The following TRPM7 variants were observed in gnomAD, a reference collection of about 807,000 sequenced individuals.
TRPM7 encodes LTRPC ion channel family member 7.
A neutral mutation model predicts 229.7 loss-of-function variants in TRPM7; 134 were observed. The ratio of observed to expected loss-of-function variants is 0.58; its 90% CI spans 0.51 to 0.67. The LOEUF (loss-of-function observed/expected upper bound fraction) is 0.67. Ranked by LOEUF, TRPM7 falls within the 30% of genes least tolerant of loss-of-function variation. The pLI, the probability that TRPM7 is intolerant of heterozygous loss-of-function variation, is 0.00. For missense variants in TRPM7, 1,901 were observed against 2,210.0 expected, an observed-to-expected ratio of 0.86 and a Z score of 2.80; for synonymous variants, 699 against 715.2, an observed-to-expected ratio of 0.98 and a Z score of 0.36.
At chr15:50,599,851 T>C (rs1441845931) in intron 21 of TRPM7, among the ~76,000 whole-genome samples, 1 of 152,168 alleles carries the variant, frequency 6.6e-6, no homozygotes, top group Non-Finnish European at 1.5e-5. Context: ...AGCATGGGTG[T>C]TGAAAAACTA....
At chr15:50,584,126 G>T (rs1011675842) in intron 28 of TRPM7, among the ~76,000 whole-genome samples, 10 of 152,018 alleles carry the variant, frequency 6.6e-5, no homozygotes, top group Admixed American at 1.3e-4. Flanking sequence ...TCCAAAAAAA[G>T]TCAGGTCATT....
At chr15:50,628,738 C>T (rs555709187) in intron 10 of TRPM7, among the ~76,000 whole-genome samples, 5 of 152,098 alleles carry the variant, frequency 3.3e-5, no homozygotes, top group South Asian at 4.1e-4. Flanking sequence ...CAGCTATAAA[C>T]GACATATTCC....
At chr15:50,567,614 T>C (rs766724398) in intron 38 of TRPM7, among the ~76,000 whole-genome samples, 2 of 151,968 alleles carry the variant, frequency 1.3e-5, no homozygotes, top group African/African-American at 2.4e-5. Context: ...AAAAAAGATA[T>C]GTATCACAAC....
At chr15:50,562,307 T>G (rs772944645) in intron 38 of TRPM7, among the ~76,000 whole-genome samples, 4 of 152,178 alleles carry the variant, frequency 2.6e-5, no homozygotes, top group Admixed American at 6.5e-5. Context: ...ATGAAGTCAT[T>G]CATTCATTCA....
At chr15:50,659,008 C>T (rs1488117847) in intron 2 of TRPM7, among the ~76,000 whole-genome samples, 4 of 152,030 alleles carry the variant, frequency 2.6e-5, no homozygotes, top group Non-Finnish European at 5.9e-5. Flanking sequence ...ACCATCCTGG[C>T]TAACGCAGTG....
At chr15:50,579,287 C>T (rs1427483565) in intron 30 of TRPM7, among the ~76,000 whole-genome samples, 2 of 152,182 alleles carry the variant, frequency 1.3e-5, no homozygotes, top group African/African-American at 2.4e-5. Context: ...TTAGCACTTT[C>T]ATTACACAGC....
At chr15:50,575,270 A>T (rs992694868) in intron 33 of TRPM7, 135 bp from the exon 34 acceptor site, 3 of 642,270 alleles carry the variant, frequency 4.7e-6, no homozygotes, top group Non-Finnish European at 7.5e-6. Flanking sequence ...TATACAAAGA[A>T]ATTTAATAGC....
At chr15:50,579,318 T>C (rs1596084174) in intron 30 of TRPM7, among the ~76,000 whole-genome samples, 1 of 152,182 alleles carries the variant, frequency 6.6e-6, no homozygotes, top group African/African-American at 2.4e-5. Context: ...TGCTCAGGAA[T>C]GAAAGGACCA....
rs1231112755 is a variant in TRPM7 at position 50,560,913 on chromosome 15, T to A, written c.*765A>T. On this transcript the variant is annotated 3_prime_UTR_variant, in exon 39 of 39. Coordinates refer to ENST00000646667, the MANE Select transcript of TRPM7 (RefSeq NM_017672.6). ...AACTTCCCTTGACGAGTGAGTTAGG[T>A]TTCTGCTTTTATAATTTAGGTTATG... The A allele has an allele frequency of 6.6e-6, 1 of 152,604 alleles. No individual in the cohort carries two copies. Among genetic ancestry groups the A allele is most frequent in the African/African-American group, 2.4e-5 (1 of 41,450 alleles). 9.5% of individuals were successfully genotyped at this position (152,604 alleles called of 1,614,324 possible). A position where few individuals can be genotyped will look rare whatever the true frequency, so the allele number is the denominator to read the frequency against.
chr15:50,599,047 A>G (rs1477317789), intron 22 of TRPM7, 75 bp downstream of exon 22: 20 of 1,143,576 alleles, frequency 1.7e-5, no homozygotes, highest in Non-Finnish European at 2.5e-5. Flanking sequence ...AAAATATGCA[A>G]TATTACTATA....
intron 10 of TRPM7, 63 bp from the exon 11 acceptor site, chr15:50,628,312 C>A: frequency 4.2e-6 from 4 of 946,538 alleles, no homozygotes; most frequent in Admixed American, 2.3e-5. Flanking sequence ...AAGGTGAACA[C>A]TTTTTTTTTT....
intron 29 of TRPM7, 126 bp from the exon 30 acceptor site, chr15:50,581,034 C>A (rs2054381097): frequency 6.7e-6 from 5 of 746,620 alleles, no homozygotes; most frequent in South Asian, 4.6e-5. Flanking sequence ...ACATACAGTT[C>A]TTGTTTCATA....
intron 2 of TRPM7, among the ~76,000 whole-genome samples, chr15:50,661,133 C>A (rs564032983): frequency 6.6e-6 from 1 of 152,016 alleles, no homozygotes; most frequent in Admixed American, 6.6e-5. Context: ...CCCACTACCA[C>A]GTCTGGCTAA....
At chr15:50,572,163 T>C (rs989341706) in intron 36 of TRPM7, among the ~76,000 whole-genome samples, 11 of 152,180 alleles carry the variant, frequency 7.2e-5, no homozygotes, top group African/African-American at 1.7e-4. Flanking sequence ...CGTGAGCCTG[T>C]AGTCCCAGCT....
At chr15:50,664,752 T>C (rs1318901334) in intron 1 of TRPM7, among the ~76,000 whole-genome samples, 2 of 152,038 alleles carry the variant, frequency 1.3e-5, no homozygotes, top group Admixed American at 6.6e-5. Flanking sequence ...CTTGAGTCTG[T>C]GAGTTCAAGA....
intron 31 of TRPM7, among the ~76,000 whole-genome samples, chr15:50,576,488 T>C (rs2054141882): frequency 6.6e-6 from 1 of 152,208 alleles, no homozygotes. Context: ...TTTAATACTG[T>C]ATAAAAATAT....
At chr15:50,606,658 C>T (rs1472166811) in intron 20 of TRPM7, among the ~76,000 whole-genome samples, 3 of 152,018 alleles carry the variant, frequency 2.0e-5, no homozygotes, top group Non-Finnish European at 4.4e-5. Flanking sequence ...GCCACCATGC[C>T]TAGCTAATTT....
chr15:50,640,115 T>G (rs1465317140), intron 5 of TRPM7, among the ~76,000 whole-genome samples: 1 of 152,126 alleles, frequency 6.6e-6, no homozygotes, highest in African/African-American at 2.4e-5. Flanking sequence ...TTATTATTGC[T>G]CTACACATCA....
chr15:50,561,610 G>T lies in TRPM7; in HGVS notation c.*68C>A. ...CTATATTACCAAACAATTTCCTCCC[G>T]AGGGAAAAGTGACACAGTAACATTT... On this transcript the variant is annotated 3_prime_UTR_variant, in exon 39 of 39. Transcript: ENST00000646667. 6.3e-7 allele frequency: 1 copy of T among 1,575,154 alleles called. No individual in the cohort carries two copies. Among genetic ancestry groups the T allele is most frequent in the Middle Eastern group, 1.8e-4 (1 of 5,574 alleles).
Sources: allele counts gnomAD v4.1 joint callset (sites outside exome capture counted in the v4.1 genomes callset), GRCh38; gene constraint gnomAD v4.1.1; transcripts MANE v1.5; gene names NCBI Gene and HGNC (gene_info 2026-07-23, HGNC 2026-07-21).